RAB38: variants seen among roughly 807,000 people sequenced by gnomAD.
The protein encoded by RAB38 is ras-related protein Rab-38.
A neutral mutation model predicts 18.4 loss-of-function variants in RAB38; 15 were observed. The ratio of observed to expected loss-of-function variants is 0.82; its 90% confidence interval spans 0.55 to 1.26. RAB38 has a LOEUF of 1.26. Among genes scored for constraint, RAB38 ranks in the 50% most tolerant of loss-of-function variants. RAB38 has a pLI of 0.00. For synonymous variants in RAB38, 101 were observed against 104.4 expected (o/e 0.97, Z 0.20); for missense variants, 294 against 267.4 (o/e 1.10, Z -0.69).
At chr11:88,026,888 C>T in the RAB38 span, among the ~76,000 whole-genome samples, 2 of 152,142 alleles carry the variant, frequency 1.3e-5, no homozygotes, top group East Asian at 1.9e-4. Flanking sequence ...AATCAAATCT[C>T]GAGATAACAA....
the RAB38 span, among the ~76,000 whole-genome samples, chr11:87,967,010 G>A: frequency 3.3e-5 from 5 of 152,320 alleles, no homozygotes; most frequent in Admixed American, 2.6e-4. Context: ...CCTAACTCCA[G>A]CCAGGCATGG....
the RAB38 span, among the ~76,000 whole-genome samples, chr11:88,054,184 T>C: frequency 6.6e-6 from 1 of 152,158 alleles, no homozygotes; most frequent in Non-Finnish European, 1.5e-5. Context: ...CAAGTCTGAA[T>C]GACAGATAAC....
the RAB38 span, among the ~76,000 whole-genome samples, chr11:87,944,324 A>G: frequency 6.6e-6 from 1 of 152,160 alleles, no homozygotes; most frequent in Admixed American, 6.6e-5. Context: ...GGCAAACCAC[A>G]ATAAAATGAA....
chr11:88,134,138 G>T (rs568011994), intron 2 of RAB38, among the ~76,000 whole-genome samples: 3 of 152,224 alleles, frequency 2.0e-5, no homozygotes, highest in African/African-American at 7.2e-5. Flanking sequence ...TAGATGTATA[G>T]TAACCTTTTA....
chr11:87,972,352 A>T, the RAB38 span, among the ~76,000 whole-genome samples: 1 of 152,092 alleles, frequency 6.6e-6, no homozygotes, highest in Non-Finnish European at 1.5e-5. Flanking sequence ...ACATGGGAAG[A>T]AACAAGTGAA....
At chr11:88,174,327 C>T (rs987939957) in intron 1 of RAB38, among the ~76,000 whole-genome samples, 3 of 152,080 alleles carry the variant, frequency 2.0e-5, no homozygotes, top group Non-Finnish European at 4.4e-5. Flanking sequence ...TTTGACTAGG[C>T]CTAACTTCTG....
intron 2 of RAB38, among the ~76,000 whole-genome samples, chr11:88,137,762 G>C (rs769100972): frequency 2.0e-5 from 3 of 152,154 alleles, no homozygotes; most frequent in African/African-American, 7.2e-5. Flanking sequence ...TGGACTTTCA[G>C]ATTACCAGGG....
chr11:88,103,595 T>A, the RAB38 span, among the ~76,000 whole-genome samples: 1 of 152,242 alleles, frequency 6.6e-6, no homozygotes, highest in East Asian at 1.9e-4. Context: ...ACGCTTTAAG[T>A]GAGAAGGAAT....
At chr11:88,012,007 G>A in the RAB38 span, among the ~76,000 whole-genome samples, 1 of 152,154 alleles carries the variant, frequency 6.6e-6, no homozygotes, top group Non-Finnish European at 1.5e-5. Flanking sequence ...CCTTCCTTAA[G>A]TTGTCTCAAA....
the RAB38 span, among the ~76,000 whole-genome samples, chr11:87,852,810 T>C: frequency 2.0e-5 from 3 of 152,150 alleles, no homozygotes; most frequent in Non-Finnish European, 2.9e-5. Context: ...CTCCTTCTCC[T>C]GCCCTCATCT....
At chr11:88,011,290 G>C in the RAB38 span, among the ~76,000 whole-genome samples, 3 of 152,146 alleles carry the variant, frequency 2.0e-5, no homozygotes, top group African/African-American at 7.2e-5. Flanking sequence ...CCAGATGCAA[G>C]GAACACCACG....
chr11:88,093,935 A>AT, the RAB38 span, among the ~76,000 whole-genome samples: 1 of 151,860 alleles, frequency 6.6e-6, no homozygotes, highest in Non-Finnish European at 1.5e-5. Flanking sequence ...GCTCCTTGCT[A>AT]ACTTATCTGA....
chr11:88,127,022 T>A (rs749577451), intron 2 of RAB38, among the ~76,000 whole-genome samples: 8 of 152,192 alleles, frequency 5.3e-5, no homozygotes, highest in Non-Finnish European at 7.3e-5. Flanking sequence ...GAGTAAGATA[T>A]TTCCAAGTGG....
chr11:88,010,361 C>G, the RAB38 span, among the ~76,000 whole-genome samples: 1 of 152,134 alleles, frequency 6.6e-6, no homozygotes, highest in Non-Finnish European at 1.5e-5. Flanking sequence ...CAAATGTAAT[C>G]AAGAGGAAAG....
intron 1 of RAB38, chr11:88,165,504 A>G (rs1344154916): frequency 6.6e-6 from 1 of 152,158 alleles, no homozygotes; most frequent in Non-Finnish European, 1.5e-5. Flanking sequence ...TAGGGAAAAC[A>G]GTCTAACCAA....
At chr11:88,052,767 C>T in the RAB38 span, among the ~76,000 whole-genome samples, 1 of 150,956 alleles carries the variant, frequency 6.6e-6, no homozygotes, top group South Asian at 2.1e-4. Flanking sequence ...CCTTTGACAG[C>T]AAGGAATCTT....
At chr11:88,171,441 A>T (rs913354675) in intron 1 of RAB38, among the ~76,000 whole-genome samples, 2 of 152,230 alleles carry the variant, frequency 1.3e-5, no homozygotes, top group South Asian at 4.1e-4. Flanking sequence ...AGATGAGGCA[A>T]TTGAGGTTCA....
the RAB38 span, among the ~76,000 whole-genome samples, chr11:88,055,732 C>A: frequency 6.6e-6 from 1 of 152,096 alleles, no homozygotes; most frequent in African/African-American, 2.4e-5. Flanking sequence ...GAAGTAAAAA[C>A]CATGCAGCTA....
At chr11:88,088,062 A>G in the RAB38 span, among the ~76,000 whole-genome samples, 2 of 151,872 alleles carry the variant, frequency 1.3e-5, no homozygotes, top group African/African-American at 4.8e-5. Flanking sequence ...GAATCTCTAG[A>G]TATCTGATCT....
Sources: gnomAD v4.1 joint callset for allele counts (sites outside exome capture counted in the v4.1 genomes callset) on GRCh38, gnomAD v4.1.1 for gene constraint, MANE v1.5 for transcripts, NCBI Gene and HGNC (gene_info 2026-07-23, HGNC 2026-07-21) for gene names.